MAPKAPK5: variants seen among roughly 807,000 people sequenced by gnomAD.
MAPKAPK5 encodes the protein MAP kinase-activated protein kinase 5.
Under a neutral mutation model 65.1 loss-of-function variants are expected in MAPKAPK5, and 30 were observed. The ratio of observed to expected loss-of-function variants is 0.46; its 90% CI spans 0.34 to 0.63. MAPKAPK5 has a LOEUF of 0.63. MAPKAPK5 is among the 20% of genes least tolerant of loss of function. The probability of loss-of-function intolerance (pLI) is 0.01; values close to 1 mark genes in which losing one functional copy is unlikely to be tolerated. For synonymous variants in MAPKAPK5, 179 were observed against 204.6 expected, an observed-to-expected ratio of 0.87 and a Z score of 1.07; for missense variants, 433 against 581.4, an observed-to-expected ratio of 0.74 and a Z score of 2.63.
intron 1 of MAPKAPK5, among the ~76,000 whole-genome samples, chr12:111,863,606 AT>A (rs56871695): frequency 4.1e-3 from 568 of 136,922 alleles, no homozygotes; most frequent in African/African-American, 5.3e-3. Flanking sequence ...ATGGATTTTG[AT>A]TTTTTTTTTT....
intron 1 of MAPKAPK5, among the ~76,000 whole-genome samples, chr12:111,846,656 G>A (rs1247934703): frequency 1.3e-5 from 2 of 151,830 alleles, no homozygotes; most frequent in Non-Finnish European, 2.9e-5. Context: ...GCACCACCAT[G>A]CCTGGCTAAT....
intron 1 of MAPKAPK5, among the ~76,000 whole-genome samples, chr12:111,845,952 C>T (rs1217161169): frequency 6.6e-6 from 1 of 152,114 alleles, no homozygotes; most frequent in Non-Finnish European, 1.5e-5. Flanking sequence ...ACAGCAAGAG[C>T]TCAATGAATA....
chr12:111,848,837 C>G (rs1428946152), intron 1 of MAPKAPK5, among the ~76,000 whole-genome samples: 5 of 152,128 alleles, frequency 3.3e-5, no homozygotes, highest in African/African-American at 1.2e-4. Context: ...TCAAGCGATT[C>G]TCCTGCCTCA....
chr12:111,868,682 T>G, intron 4 of MAPKAPK5, 71 bp from the exon 5 acceptor site: 1 of 1,184,778 alleles, frequency 8.4e-7, no homozygotes, highest in Non-Finnish European at 1.2e-6. Flanking sequence ...AGCTTCTTAA[T>G]GTTTCAGGGT....
intron 9 of MAPKAPK5, among the ~76,000 whole-genome samples, chr12:111,884,908 T>A (rs1330934060): frequency 6.6e-6 from 1 of 152,226 alleles, no homozygotes; most frequent in Non-Finnish European, 1.5e-5. Flanking sequence ...GCAGGTTCTG[T>A]GTGCTATAAA....
At chr12:111,869,691 T>C (rs1323187964) in intron 5 of MAPKAPK5, among the ~76,000 whole-genome samples, 1 of 152,228 alleles carries the variant, frequency 6.6e-6, no homozygotes, top group Non-Finnish European at 1.5e-5. Context: ...AATTATACCT[T>C]TAATTTTTTC....
At chr12:111,852,127 A>G (rs1324613012) in intron 1 of MAPKAPK5, among the ~76,000 whole-genome samples, 1 of 152,214 alleles carries the variant, frequency 6.6e-6, no homozygotes, top group Non-Finnish European at 1.5e-5. Flanking sequence ...ATGGAATGGA[A>G]CCTTCTGTGA....
Position 111,883,876 on chromosome 12 carries a change from C to A in MAPKAPK5, c.848+108C>A. 9.1e-7 allele frequency: 1 copy of A among 1,097,290 alleles called. No individual in the cohort carries two copies. Among genetic ancestry groups the A allele is most frequent in the Non-Finnish European group, 1.3e-6 (1 of 780,968 alleles). The allele number at this position is 1,097,290 out of a possible 1,614,324, so 68.0% of individuals were successfully genotyped here. On this transcript the variant is annotated intron_variant, in intron 9 of 13. Transcript: ENST00000550735. The surrounding 1 kb of genome is among the most constrained non-coding windows in gnomAD (Gnocchi z 4.8). ...ACTGGTTTCCTAGGCAGGCTCCTCC[C>A]CGTTTTAATATCACAGAAATCTCTC...
chr12:111,886,179 A>G (rs2070399292), intron 10 of MAPKAPK5, 143 bp downstream of exon 10: 4 of 1,264,704 alleles, frequency 3.2e-6, no homozygotes, highest in Admixed American at 4.5e-5. Flanking sequence ...CCTGAGAGTC[A>G]GGATCCAAAA....
chr12:111,878,445 G>A (rs961972757), intron 7 of MAPKAPK5, among the ~76,000 whole-genome samples: 1 of 150,434 alleles, frequency 6.6e-6, no homozygotes, highest in Non-Finnish European at 1.5e-5. Flanking sequence ...ATTTTGAGAC[G>A]GAGTCTCACT....
At chr12:111,885,790 C>A in intron 9 of MAPKAPK5, 126 bp from the exon 10 acceptor site, 2 of 1,188,796 alleles carry the variant, frequency 1.7e-6, no homozygotes, top group Admixed American at 2.4e-5. Context: ...CTGTGCTCTG[C>A]AGGTGGAAAG....
At chr12:111,856,873 G>A (rs540214760) in intron 1 of MAPKAPK5, among the ~76,000 whole-genome samples, 1 of 152,290 alleles carries the variant, frequency 6.6e-6, no homozygotes, top group Non-Finnish European at 1.5e-5. Flanking sequence ...TTAACCTACA[G>A]TATATTTACC....
Position 111,900,170 on chromosome 12 carries a change from T to A in MAPKAPK5, c.*7109T>A, listed in dbSNP as rs766613310. Reference sequence around the variant, plus strand: ...TGGACTTGCAAATCACACTCAGGAATTTCAATCACTGGAGACAAGAGATGC... The same window carrying A: ...TGGACTTGCAAATCACACTCAGGAAATTCAATCACTGGAGACAAGAGATGC... On this transcript the variant is annotated 3_prime_UTR_variant, in exon 14 of 14. Transcript: ENST00000550735. 1.5e-5 allele frequency: 7 copies of A among 455,898 alleles called. No homozygotes were observed. The highest frequency in any genetic ancestry group is 1.1e-4 in the South Asian group (7 of 64,560). The allele number at this position is 455,898 out of a possible 1,614,324, so 28.2% of individuals were successfully genotyped here.
rs2068740704 is a variant in MAPKAPK5 at position 111,842,312 on chromosome 12, T to TGCAGGCGGCGGAGGCGGAGGC, written c.-415_-395dup. 6.5e-6 allele frequency: 1 copy of TGCAGGCGGCGGAGGCGGAGGC among 154,240 alleles called. No homozygotes were observed. Among genetic ancestry groups the TGCAGGCGGCGGAGGCGGAGGC allele is most frequent in the African/African-American group, 2.4e-5 (1 of 41,290 alleles). 9.6% of individuals were successfully genotyped at this position (154,240 alleles called of 1,614,324 possible). ...GGCTTCGGCTTCGGCTTCGCGGCGG[T>TGCAGGCGGCGGAGGCGGAGGC]GCAGGCGGCGGAGGCGGAGGCGCAG... On this transcript the variant is annotated 5_prime_UTR_variant, in exon 1 of 14. Coordinates refer to ENST00000550735, the MANE Select transcript of MAPKAPK5 (RefSeq NM_003668.4).
At chr12:111,867,716 G>T (rs749460264) in intron 4 of MAPKAPK5, 47 bp downstream of exon 4, 20 of 1,396,932 alleles carry the variant, frequency 1.4e-5, no homozygotes, top group Non-Finnish European at 2.0e-5. Context: ...GTAGGCCAAT[G>T]TGTAGTGGAG....
chr12:111,865,047 G>T (rs1052324999), intron 1 of MAPKAPK5, among the ~76,000 whole-genome samples: 4 of 152,188 alleles, frequency 2.6e-5, no homozygotes, highest in African/African-American at 4.8e-5. Context: ...TTGCTTTCTT[G>T]TTGGAAAATT....
intron 5 of MAPKAPK5, 68 bp downstream of exon 5, chr12:111,868,929 G>A: frequency 1.7e-6 from 2 of 1,181,960 alleles, no homozygotes; most frequent in Admixed American, 2.5e-5. Context: ...TTCATTGGGG[G>A]GAAGAAAAGA....
intron 7 of MAPKAPK5, among the ~76,000 whole-genome samples, chr12:111,872,245 C>T (rs1236828565): frequency 6.6e-6 from 1 of 152,152 alleles, no homozygotes; most frequent in Non-Finnish European, 1.5e-5. Flanking sequence ...GAGTTCCAGT[C>T]ATTTCACATT....
At position 111,901,144 on chromosome 12, in the gene MAPKAPK5, G is replaced by A. The variant is rs942855755; in HGVS notation, c.*8083G>A. The A allele has an allele frequency of 8.8e-6, 4 of 455,992 alleles. No individual in the cohort carries two copies. The highest frequency in any genetic ancestry group is 6.0e-5 in the African/African-American group (3 of 50,078). The allele number at this position is 455,992 out of a possible 1,614,324, so 28.2% of individuals were successfully genotyped here. A position where few individuals can be genotyped will look rare whatever the true frequency, so the allele number is the denominator to read the frequency against. On this transcript the variant is annotated 3_prime_UTR_variant, in exon 14 of 14. Transcript: ENST00000550735. The stretch of plus-strand genomic sequence containing the variant: ...TGTTGGAGCATGGATGCCTATATGA[G>A]TACTGACATTCCTGATGAAGGAGAT...
Sources: gnomAD v4.1 joint callset for allele counts (sites outside exome capture counted in the v4.1 genomes callset) on GRCh38, gnomAD v4.1.1 for gene constraint, Gnocchi (gnomAD v3.1) non-coding constraint, MANE v1.5 for transcripts, NCBI Gene and HGNC (gene_info 2026-07-23, HGNC 2026-07-21) for gene names.